SLC22A12: variants seen among roughly 807,000 people sequenced by gnomAD.
SLC22A12 encodes solute carrier family 22 member 12, also known as organic anion transporter 4-like protein.
Under a neutral mutation model 52.7 loss-of-function variants are expected in SLC22A12, and 56 were observed. That is an observed-to-expected ratio of 1.06 (90% CI 0.86 to 1.33). The LOEUF (loss-of-function observed/expected upper bound fraction) is 1.33, where lower values mean the gene tolerates loss of function less well. SLC22A12 is among the 40% of genes most tolerant of loss of function. The probability of loss-of-function intolerance (pLI) is 0.00; values close to 1 mark genes in which losing one functional copy is unlikely to be tolerated. For missense variants in SLC22A12, 683 were observed against 741.5 expected, an observed-to-expected ratio of 0.92 and a Z score of 0.92; for synonymous variants, 337 against 324.6, an observed-to-expected ratio of 1.04 and a Z score of -0.41.
rs761093310 is a variant in SLC22A12 at position 64,600,786 on chromosome 11, G to A, written c.1446G>A (p.Leu482=). The A allele has an allele frequency of 1.2e-6, 2 of 1,605,778 alleles. No homozygotes were observed. The highest frequency in any genetic ancestry group is 1.7e-6 in the Non-Finnish European group (2 of 1,179,890). ...TGGCAGCCCGTGGAGGAGCCATCCT[G>A]GGGCCTCTGGTCCGGCTGCTGGGTG... ...GQMAARGGAI[L]GPLVRLLGVH... The change falls in exon 9 of 10, where the codon CTG becomes CTA. Residue 482 remains leucine (L), a synonymous_variant. Transcript: ENST00000377574.
chr11:64,596,230 G>GA (rs1366328822), intron 4 of SLC22A12, among the ~76,000 whole-genome samples: 1 of 34,998 alleles, frequency 2.9e-5, no homozygotes, highest in South Asian at 9.6e-4. Flanking sequence ...TGGATGCATG[G>GA]ATGGATGGAT....
At chr11:64,597,204 C>T (rs773423292) in intron 4 of SLC22A12, among the ~76,000 whole-genome samples, 1 of 152,262 alleles carries the variant, frequency 6.6e-6, no homozygotes, top group Non-Finnish European at 1.5e-5. Flanking sequence ...CCCAGGGTCA[C>T]CCACAATGAT....
chr11:64,600,600 C>A, intron 8 of SLC22A12, 125 bp downstream of exon 8: 1 of 1,407,050 alleles, frequency 7.1e-7, no homozygotes, highest in Non-Finnish European at 9.7e-7. Context: ...GTGTGGTCCC[C>A]GGGGCTGCTC....
At chr11:64,601,395 G>A in intron 9 of SLC22A12, 93 bp from the exon 10 acceptor site, 3 of 1,309,580 alleles carry the variant, frequency 2.3e-6, no homozygotes, top group Non-Finnish European at 3.2e-6. Flanking sequence ...GAGCAGGGTG[G>A]TGGCATTCCC....
intron 6 of SLC22A12, 103 bp downstream of exon 6, chr11:64,599,026 G>A: frequency 1.4e-6 from 2 of 1,474,930 alleles, no homozygotes; most frequent in Non-Finnish European, 1.8e-6. Flanking sequence ...GGTCCCACTG[G>A]CCTGCAACAC....
At position 64,600,743 on chromosome 11, in the gene SLC22A12, C is replaced by T; in HGVS notation, c.1403C>T (p.Ala468Val). The T allele has an allele frequency of 1.2e-6, 2 of 1,604,882 alleles. No homozygotes were observed. The highest frequency in any genetic ancestry group is 1.7e-6 in the Non-Finnish European group (2 of 1,179,910). Residue 468 changes from alanine to valine, a missense_variant, in exon 9 of 10, where the codon GCA (alanine) becomes GTA (valine). By Grantham distance (64) the Ala-to-Val change is moderately conservative. Transcript: ENST00000377574. Reference sequence around the variant, plus strand: ...TGCATCTGCATTGGCAGGATGACGGCAGTGGGCTTGGGCCAGATGGCAGCC... The same window carrying T: ...TGCATCTGCATTGGCAGGATGACGGTAGTGGGCTTGGGCCAGATGGCAGCC... ...ELFPTVLRMT[A>V]VGLGQMAARG...
chr11:64,594,764 GATGGATGA>G lies in SLC22A12; in HGVS notation c.830+968_830+975del, dbSNP rs1307048256. On this transcript the variant is annotated intron_variant, in intron 4 of 9. Coordinates refer to ENST00000377574, the MANE Select transcript of SLC22A12 (RefSeq NM_144585.4). ...GGACGGTTGGATGGATGGATGGATGGATGGATGAATGGATAGTTGGAATAAATGGATGG... is the reference window on the plus strand; with the variant it reads ...GGACGGTTGGATGGATGGATGGATGGATGGATAGTTGGAATAAATGGATGG... Among the ~76,000 whole-genome samples the G allele has an allele frequency of 2.6e-5, 4 of 150,988 alleles. No homozygotes were observed. The South Asian group carries it at 8.6e-4, about 32-fold the overall frequency.
intron 6 of SLC22A12, among the ~76,000 whole-genome samples, chr11:64,599,391 C>T (rs1455677587): frequency 1.3e-5 from 2 of 152,098 alleles, no homozygotes; most frequent in African/African-American, 2.4e-5. Flanking sequence ...GACAAAGCCC[C>T]CAAGCAGAGA....
chr11:64,601,001 C>G, intron 9 of SLC22A12, 63 bp downstream of exon 9: 1 of 1,580,090 alleles, frequency 6.3e-7, no homozygotes, highest in Non-Finnish European at 8.6e-7. Context: ...CACAGGGCAG[C>G]CTGCTCACCC....
In SLC22A12 at chr11:64,593,658, GCCCGA is replaced by G; in HGVS notation, c.689_693del (p.Arg230LeufsTer87). The G allele has an allele frequency of 2.5e-6, 4 of 1,614,180 alleles. No individual in the cohort carries two copies. The highest frequency in any genetic ancestry group is 3.4e-6 in the Non-Finnish European group (4 of 1,180,044). ...AGTGATGGAGTGGACGGCGGCACGGGCCCGACCCTTGGTGATGACCTTGAACTCTC... is the reference window on the plus strand; with the variant it reads ...AGTGATGGAGTGGACGGCGGCACGGGCCCTTGGTGATGACCTTGAACTCTC... On this transcript the variant is annotated frameshift_variant, in exon 4 of 10. Coordinates refer to ENST00000377574, the MANE Select transcript of SLC22A12 (RefSeq NM_144585.4). LOFTEE classifies it high-confidence loss of function.
intron 2 of SLC22A12, 122 bp downstream of exon 2, chr11:64,593,004 G>A (rs2038971074): frequency 1.1e-6 from 1 of 899,024 alleles, no homozygotes; most frequent in Non-Finnish European, 1.7e-6. Flanking sequence ...CCTACTTGCT[G>A]GGTGTGGGTC....
chr11:64,600,480 G>A lies in SLC22A12; in HGVS notation c.1394+5G>A. 1.9e-6 allele frequency: 3 copies of A among 1,592,246 alleles called. No individual in the cohort carries two copies. Among genetic ancestry groups the A allele is most frequent in the Non-Finnish European group, 2.6e-6 (3 of 1,173,168 alleles). ...GCTCTTCCCCACTGTGCTCAGGTGA[G>A]GCTGGGCCTGGGCTCCAGGAGAGGG... On this transcript the variant is annotated splice_donor_5th_base_variant and intron_variant, in intron 8 of 9. Coordinates refer to ENST00000377574, the MANE Select transcript of SLC22A12 (RefSeq NM_144585.4).
intron 1 of SLC22A12, among the ~76,000 whole-genome samples, chr11:64,592,216 C>G (rs1219528993): frequency 6.6e-6 from 1 of 152,192 alleles, no homozygotes; most frequent in Non-Finnish European, 1.5e-5. Context: ...CACCTGGACA[C>G]TCACCGGCCT....
In SLC22A12 at chr11:64,599,828, C is replaced by T. The variant is rs146048999; in HGVS notation, c.1223C>T (p.Thr408Met). ...LLLSHLGRRP[T>M]LAASLLLAGL... ...CTGAGCCACCTGGGCCGCCGCCCCA[C>T]GCTGGCCGCATCCCTGTTGCTGGCA... The change falls in exon 7 of 10, where the codon ACG becomes ATG. Residue 408 changes from threonine to methionine, a missense_variant. Physicochemically the swap from Thr to Met is moderately conservative, Grantham distance 81 (BLOSUM62 -1). Transcript: ENST00000377574. 1.0e-4 allele frequency: 167 copies of T among 1,612,878 alleles called. 1 individual carries two copies. The African/African-American group carries it at 1.3e-3, about 13-fold the overall frequency.
Position 64,601,531 on chromosome 11 carries a change from C to T in SLC22A12, c.1642C>T (p.Leu548=), listed in dbSNP as rs765039613. Residue 548 remains leucine, a synonymous_variant, in exon 10 of 10, where the codon CTA becomes TTA. Transcript: ENST00000377574. ...ATHGTLGNSV[L]KSTQF The stretch of plus-strand genomic sequence containing the variant: ...ACATGGCACGCTGGGGAACTCTGTC[C>T]TAAAATCCACACAGTTTTAGCCTCC... 3 of 1,613,740 alleles carry T rather than the reference C, an allele frequency of 1.9e-6. No individual in the cohort carries two copies. Among genetic ancestry groups the T allele is most frequent in the East Asian group, 2.2e-5 (1 of 44,872 alleles).
In SLC22A12 at chr11:64,599,763, T is replaced by C. The variant is rs1041265568; in HGVS notation, c.1158T>C (p.Gly386=). The C allele has an allele frequency of 3.1e-6, 5 of 1,612,502 alleles. No individual in the cohort carries two copies. The African/African-American group carries it at 6.7e-5, about 22-fold the overall frequency. ...TCTTCCTGCTCCAAATGTTCATTGG[T>C]GTCGTGGACATCCCAGCCAAGATGG... ...SNIFLLQMFI[G]VVDIPAKMGA... Residue 386 remains glycine, a synonymous_variant, in exon 7 of 10, where the codon GGT becomes GGC. Transcript: ENST00000377574.
chr11:64,600,769 C>G lies in SLC22A12; in HGVS notation c.1429C>G (p.Arg477Gly), dbSNP rs762328373. The change falls in exon 9 of 10, where the codon CGT becomes GGT. Residue 477 changes from arginine to glycine, a missense_variant. Transcript: ENST00000377574. ...AGTGGGCTTGGGCCAGATGGCAGCCCGTGGAGGAGCCATCCTGGGGCCTCT... is the reference window on the plus strand; with the variant it reads ...AGTGGGCTTGGGCCAGATGGCAGCCGGTGGAGGAGCCATCCTGGGGCCTCT... ...TAVGLGQMAARGGAILGPLVR... is the reference protein window; with the variant it reads ...TAVGLGQMAAGGGAILGPLVR... The G allele has an allele frequency of 1.9e-6, 3 of 1,605,284 alleles. No individual in the cohort carries two copies. The highest frequency in any genetic ancestry group is 2.2e-5 in the East Asian group (1 of 44,876).
intron 1 of SLC22A12, 116 bp downstream of exon 1, chr11:64,592,074 T>A: frequency 6.8e-7 from 1 of 1,476,566 alleles, no homozygotes. Flanking sequence ...CAGGCCCCAC[T>A]CACTCTCGAG....
At chr11:64,601,228 G>A (rs1340282754) in intron 9 of SLC22A12, among the ~76,000 whole-genome samples, 1 of 152,196 alleles carries the variant, frequency 6.6e-6, no homozygotes, top group Non-Finnish European at 1.5e-5. Context: ...AAAGGGAGAA[G>A]AGTGGATAGT....
Sources: allele counts gnomAD v4.1 joint callset (sites outside exome capture counted in the v4.1 genomes callset), GRCh38; gene constraint gnomAD v4.1.1; transcripts MANE v1.5; gene names NCBI Gene and HGNC (gene_info 2026-07-23, HGNC 2026-07-21).